The following CTPS2 variants were observed in gnomAD, a reference collection of about 807,000 sequenced individuals.
CTPS2 encodes CTP synthase II.
A neutral mutation model predicts 46.8 loss-of-function variants in CTPS2; 19 were observed. The ratio of observed to expected loss-of-function variants is 0.41; its 90% CI spans 0.28 to 0.60. CTPS2 has a LOEUF of 0.60. CTPS2 is among the 20% of genes least tolerant of loss of function. The pLI, the probability that CTPS2 is intolerant of heterozygous loss-of-function variation, is 0.35. For missense variants in CTPS2, 286 were observed against 447.6 expected, an observed-to-expected ratio of 0.64 and a Z score of 3.26; for synonymous variants, 151 against 165.2, an observed-to-expected ratio of 0.91 and a Z score of 0.66.
Position 16,667,409 on chromosome X carries a change from C to T in CTPS2, c.1296+105G>A, listed in dbSNP as rs1339013302. On this transcript the variant is annotated intron_variant, in intron 13 of 18. Transcript: ENST00000359276. The stretch of plus-strand genomic sequence containing the variant: ...TTGACCTCCCAAAGTGCTGGGATTA[C>T]AGGGGTGAGCCATGGCGCCCAGCCA... The T allele has an allele frequency of 4.7e-6, 4 of 848,714 alleles. No homozygotes were observed. In the East Asian group the frequency reaches 9.4e-5, roughly 20 times the overall value. 69.9% of individuals were successfully genotyped at this position (848,714 alleles called of 1,213,427 possible). A position where few individuals can be genotyped will look rare whatever the true frequency, so the allele number is the denominator to read the frequency against.
At chrX:16,699,140 G>A in intron 2 of CTPS2, 47 bp from the exon 3 acceptor site, 1 of 979,752 alleles carries the variant, frequency 1.0e-6, no homozygotes, top group Non-Finnish European at 1.4e-6. Context: ...GCTTCCAGTA[G>A]ATTTTTCAAA....
intron 1 of CTPS2, among the ~76,000 whole-genome samples, chrX:16,711,023 TCAAGA>T (rs1925429801): frequency 8.9e-6 from 1 of 112,139 alleles, no homozygotes; most frequent in African/African-American, 3.2e-5. Context: ...GTTTCTGGTG[TCAAGA>T]CAAGTTTTTC....
chrX:16,693,933 G>A (rs1168163166), intron 4 of CTPS2, among the ~76,000 whole-genome samples: 3 of 111,824 alleles, frequency 2.7e-5, no homozygotes, highest in Admixed American at 1.9e-4. Flanking sequence ...TTGGGAGGCC[G>A]AGGCGGGCGG....
chrX:16,672,773 A>G (rs1295259215), intron 10 of CTPS2, among the ~76,000 whole-genome samples: 1 of 109,217 alleles, frequency 9.2e-6, no homozygotes. Context: ...TACCAGTCAG[A>G]CTTCTGGCCT....
chrX:16,590,887 A>AATCTTTTATTATATAAAAAATT (rs1928863452), intron 17 of CTPS2, 25 bp from the exon 18 acceptor site: 1 of 1,085,312 alleles, frequency 9.2e-7, no homozygotes, highest in Admixed American at 2.4e-5. Flanking sequence ...GAACTAATTT[A>AATCTTTTATTATATAAAAAATT]GCAAGGTATA....
At chrX:16,689,643 T>C (rs765679489) in intron 7 of CTPS2, 42 bp from the exon 8 acceptor site, 63 of 1,130,315 alleles carry the variant, frequency 5.6e-5, no homozygotes, top group Non-Finnish European at 6.8e-5. Context: ...ATGGATCTAT[T>C]CAAATATGCC....
At chrX:16,638,185 G>A (rs1394372877) in intron 14 of CTPS2, among the ~76,000 whole-genome samples, 1 of 108,456 alleles carries the variant, frequency 9.2e-6, no homozygotes, top group Non-Finnish European at 1.9e-5. Context: ...AACCCAGGAG[G>A]CGGAGCTTGC....
intron 13 of CTPS2, 118 bp downstream of exon 13, chrX:16,667,396 A>G: frequency 5.4e-6 from 4 of 747,302 alleles, no homozygotes; most frequent in Non-Finnish European, 8.2e-6. Context: ...GACCTCCCAA[A>G]GTGCTGGGAT....
chrX:16,698,447 T>G (rs999479269), intron 3 of CTPS2, 111 bp from the exon 4 acceptor site: 8 of 512,989 alleles, frequency 1.6e-5, no homozygotes, highest in Non-Finnish European at 2.6e-5. Flanking sequence ...CCTGACATAT[T>G]TTTGGAAAAT....
At chrX:16,590,886 T>C in intron 17 of CTPS2, 24 bp from the exon 18 acceptor site, 1 of 1,086,657 alleles carries the variant, frequency 9.2e-7, no homozygotes, top group Non-Finnish European at 1.3e-6. Context: ...GGAACTAATT[T>C]AGCAAGGTAT....
chrX:16,630,800 T>C (rs1330538052), intron 14 of CTPS2, among the ~76,000 whole-genome samples: 6 of 112,011 alleles, frequency 5.4e-5, no homozygotes, highest in African/African-American at 1.9e-4. Flanking sequence ...CTGGACAAAA[T>C]GAAGAATAAC....
intron 4 of CTPS2, among the ~76,000 whole-genome samples, chrX:16,694,160 T>C (rs1923926873): frequency 9.0e-6 from 1 of 111,546 alleles, no homozygotes; most frequent in Admixed American, 9.6e-5. Flanking sequence ...CGAGACTCCA[T>C]CTCAAAACAA....
intron 13 of CTPS2, among the ~76,000 whole-genome samples, chrX:16,651,769 T>A (rs1273765838): frequency 8.9e-6 from 1 of 111,941 alleles, no homozygotes; most frequent in Non-Finnish European, 1.9e-5. Context: ...GTTGTCAAAA[T>A]CAAAATGCAT....
At chrX:16,627,334 G>A (rs966931258) in intron 14 of CTPS2, among the ~76,000 whole-genome samples, 5 of 112,398 alleles carry the variant, frequency 4.4e-5, no homozygotes, top group African/African-American at 1.6e-4. Context: ...AGGCTGCCCA[G>A]GGTGCAGATA....
intron 14 of CTPS2, among the ~76,000 whole-genome samples, chrX:16,630,054 G>A (rs1254228092): frequency 9.1e-6 from 1 of 110,050 alleles, no homozygotes; most frequent in African/African-American, 3.3e-5. Flanking sequence ...TGCTCCTGCC[G>A]GCATCAACCT....
chrX:16,656,095 C>G (rs1450800556), intron 13 of CTPS2, among the ~76,000 whole-genome samples: 2 of 112,066 alleles, frequency 1.8e-5, no homozygotes, highest in Non-Finnish European at 3.8e-5. Context: ...CCTCTCTCAA[C>G]CTTTCCTAAG....
intron 13 of CTPS2, among the ~76,000 whole-genome samples, chrX:16,664,509 G>C (rs1921005507): frequency 9.0e-6 from 1 of 111,379 alleles, no homozygotes; most frequent in African/African-American, 3.3e-5. Flanking sequence ...ACAGTGTTAA[G>C]CGAAAAATGC....
chrX:16,679,175 T>C (rs1922532101), intron 9 of CTPS2, among the ~76,000 whole-genome samples: 1 of 110,229 alleles, frequency 9.1e-6, no homozygotes, highest in Non-Finnish European at 1.9e-5. Flanking sequence ...CTGGCCAACG[T>C]GGCAAAACCC....
chrX:16,702,715 G>C (rs775182447), intron 2 of CTPS2, 22 bp downstream of exon 2: 1 of 1,195,215 alleles, frequency 8.4e-7, no homozygotes, highest in East Asian at 3.0e-5. Context: ...TGCTATAAGG[G>C]GGAAGTGGTT....
Sources: allele counts gnomAD v4.1 joint callset (sites outside exome capture counted in the v4.1 genomes callset), GRCh38; gene constraint gnomAD v4.1.1; transcripts MANE v1.5; gene names NCBI Gene and HGNC (gene_info 2026-07-23, HGNC 2026-07-21).